Variants in HTD2 observed in about 807,000 individuals in gnomAD.
HTD2 encodes hydroxyacyl-thioester dehydratase type 2, mitochondrial.
HTD2 carries 1 observed loss-of-function variant against 3.1 expected under a neutral mutation model. That is an observed-to-expected ratio of 0.32 (90% CI 0.11 to 1.52). The LOEUF (loss-of-function observed/expected upper bound fraction) is 1.52. Among genes scored for constraint, HTD2 ranks in the 40% most tolerant of loss-of-function variants. The pLI is 0.39. For synonymous variants in HTD2, 50 were observed against 28.9 expected (o/e 1.73, Z -2.34); for missense variants, 150 against 79.6 (o/e 1.88, Z -3.36).
chr3:58,308,907 A>G (rs1335339219), intron 1 of HTD2, among the ~76,000 whole-genome samples: 1 of 152,264 alleles, frequency 6.6e-6, no homozygotes. Context: ...ACCTATCCAG[A>G]GGGAGAGCAA....
At chr3:58,310,616 A>G in intron 2 of HTD2, 25 bp downstream of exon 2, 1 of 1,576,338 alleles carries the variant, frequency 6.3e-7, no homozygotes, top group East Asian at 2.2e-5. Context: ...GGTAGATTGA[A>G]CATTCCAAAG....
chr3:58,312,675 T>TA lies in HTD2; in HGVS notation c.-331+2085dup, dbSNP rs200023221. On this transcript the variant is annotated intron_variant, in intron 2 of 4. Transcript: ENST00000461393. ...ACCACTTTTAATGAGAAAGTCTCCT[T>TA]ATGGGCCAGGCGCAGTGGCTCACTC... is the stretch of plus-strand genomic sequence containing the variant. Among the ~76,000 whole-genome samples, 168 of 152,104 alleles carry TA rather than the reference T, an allele frequency of 1.1e-3. 5 individuals are homozygous for TA. In the East Asian group the frequency reaches 0.028, roughly 26 times the overall value.
intron 1 of HTD2, among the ~76,000 whole-genome samples, chr3:58,308,304 G>T (rs1258043437): frequency 2.6e-5 from 4 of 152,056 alleles, no homozygotes; most frequent in Non-Finnish European, 5.9e-5. Context: ...TTGTTTTGGA[G>T]ACAGGGTCAT....
chr3:58,311,336 C>G (rs1294944637), intron 2 of HTD2, among the ~76,000 whole-genome samples: 2 of 152,124 alleles, frequency 1.3e-5, no homozygotes, highest in African/African-American at 4.8e-5. Context: ...TGTATTTTTA[C>G]TAGAGACAGG....
rs758136953 is a variant in HTD2 at position 58,317,787 on chromosome 3, A to G, written c.174A>G (p.Glu58=). 2.8e-5 allele frequency: 20 copies of G among 702,964 alleles called. No individual in the cohort carries two copies. Among genetic ancestry groups the G allele is most frequent in the South Asian group, 2.7e-4 (18 of 67,610 alleles). The allele number at this position is 702,964 out of a possible 1,614,324, so 43.5% of individuals were successfully genotyped here. A position where few individuals can be genotyped will look rare whatever the true frequency, so the allele number is the denominator to read the frequency against. ...AGACTGATGTGGCTACCTTCTCAGA[A>G]TTAACAGGGGATGTCAATCCTTTGC... The part of the protein sequence containing the change: ...FTQTDVATFS[E]LTGDVNPLHL... Residue 58 remains glutamate, a synonymous_variant, in exon 5 of 5, where the codon GAA becomes GAG. Coordinates refer to ENST00000461393, the MANE Select transcript of HTD2 (RefSeq NM_001348712.2).
At chr3:58,317,020 A>C in intron 4 of HTD2, 27 bp downstream of exon 4, 7 of 1,540,924 alleles carry the variant, frequency 4.5e-6, no homozygotes, top group Non-Finnish European at 6.3e-6. Flanking sequence ...CACATATTCC[A>C]AACAAGACTG....
At chr3:58,316,155 TGTA>T (rs1225509997) in intron 2 of HTD2, among the ~76,000 whole-genome samples, 3 of 152,234 alleles carry the variant, frequency 2.0e-5, no homozygotes, top group African/African-American at 7.2e-5. Flanking sequence ...TCTTGGTTCT[TGTA>T]GTAGGAAAAC....
At chr3:58,314,282 C>T (rs558147280) in intron 2 of HTD2, among the ~76,000 whole-genome samples, 37 of 152,136 alleles carry the variant, frequency 2.4e-4, no homozygotes, top group Non-Finnish European at 4.7e-4. Flanking sequence ...ACCTGGGAGG[C>T]GGAGGTTGCA....
Position 58,310,536 on chromosome 3 carries a change from A to G in HTD2, c.-386A>G, listed in dbSNP as rs773772521. The G allele has an allele frequency of 1.2e-6, 2 of 1,613,218 alleles. No individual in the cohort carries two copies. The highest frequency in any genetic ancestry group is 2.7e-5 in the African/African-American group (2 of 74,770). ...TTTCAAGATTGTGGAGTTGGACTGA[A>G]TGCTGCACAGTTCAAACAGCTGCTT... On this transcript the variant is annotated 5_prime_UTR_variant, in exon 2 of 5. An upstream start codon of the reference 5' UTR is lost. Coordinates refer to ENST00000461393, the MANE Select transcript of HTD2 (RefSeq NM_001348712.2).
At position 58,318,029 on chromosome 3, in the gene HTD2, T is replaced by C. The variant is rs1482485834; in HGVS notation, c.416T>C (p.Ile139Thr). The stretch of plus-strand genomic sequence containing the variant: ...AAAAAGCTGAAGCGGTTCATTGCTA[T>C]TATTGCAGTGTCATGTTCTGTAATA... ...EVKKLKRFIA[I>T]IAVSCSVIES... is the part of the protein sequence containing the mutation. Residue 139 changes from isoleucine (I) to threonine (T), a missense_variant, in exon 5 of 5, where the codon ATT becomes ACT. By Grantham distance (89) the Ile-to-Thr change is moderately conservative. Coordinates refer to ENST00000461393, the MANE Select transcript of HTD2 (RefSeq NM_001348712.2). 1.4e-6 allele frequency: 1 copy of C among 702,656 alleles called. No homozygotes were observed. The highest frequency in any genetic ancestry group is 2.6e-6 in the Non-Finnish European group (1 of 384,930). 43.5% of individuals were successfully genotyped at this position (702,656 alleles called of 1,614,324 possible).
At position 58,310,374 on chromosome 3, in the gene HTD2, C is replaced by T. The variant is rs751456439; in HGVS notation, c.-415-133C>T. ...CATATGAAAGAGTAGTTTACAAAAACCCTTCCGAGTACCACTACATGAAAG... is the reference window on the plus strand; with the variant it reads ...CATATGAAAGAGTAGTTTACAAAAATCCTTCCGAGTACCACTACATGAAAG... On this transcript the variant is annotated intron_variant, in intron 1 of 4. Transcript: ENST00000461393. 7 of 1,614,060 alleles carry T rather than the reference C, an allele frequency of 4.3e-6. No homozygotes were observed. The African/African-American group carries it at 8.0e-5, about 18-fold the overall frequency.
At chr3:58,307,374 A>G (rs9818581) in intron 1 of HTD2, among the ~76,000 whole-genome samples, 10,590 of 152,236 alleles carry the variant, frequency 0.07, 478 homozygotes, top group Middle Eastern at 0.092. Flanking sequence ...AGTAGGGAGA[A>G]TCAGATTTAT....
intron 1 of HTD2, among the ~76,000 whole-genome samples, chr3:58,308,175 A>G (rs2097477727): frequency 6.6e-6 from 1 of 152,216 alleles, no homozygotes; most frequent in Admixed American, 6.5e-5. Context: ...GCATCAGGTA[A>G]CTATTTCCGC....
intron 2 of HTD2, among the ~76,000 whole-genome samples, chr3:58,314,963 G>T (rs887218940): frequency 5.3e-5 from 8 of 152,086 alleles, no homozygotes; most frequent in Admixed American, 1.3e-4. Flanking sequence ...GGGATTACAG[G>T]TGTGAGCCAC....
At chr3:58,316,039 A>T (rs73835148) in intron 2 of HTD2, among the ~76,000 whole-genome samples, 6,915 of 152,060 alleles carry the variant, frequency 0.045, 543 homozygotes, top group African/African-American at 0.16. Context: ...CAAAATTTTA[A>T]AAAAAAATAT....
chr3:58,310,364 T>A (rs764158786), intron 1 of HTD2, 143 bp from the exon 2 acceptor site: 1 of 1,614,196 alleles, frequency 6.2e-7, no homozygotes, highest in Admixed American at 1.7e-5. Flanking sequence ...GAAAGAGTAG[T>A]TTACAAAAAC....
At chr3:58,310,223 A>C (rs1183654296) in intron 1 of HTD2, 6 of 1,074,878 alleles carry the variant, frequency 5.6e-6, no homozygotes, top group African/African-American at 1.6e-5. Context: ...AACAAACAAA[A>C]AAAACCCAAA....
At chr3:58,307,749 A>G (rs541910487) in intron 1 of HTD2, 8 of 152,320 alleles carry the variant, frequency 5.3e-5, no homozygotes, top group African/African-American at 1.9e-4. Flanking sequence ...GTGAGCCCAC[A>G]TCTGTGGAGA....
intron 1 of HTD2, chr3:58,310,235 A>C (rs1024410343): frequency 9.0e-6 from 11 of 1,218,342 alleles, no homozygotes; most frequent in South Asian, 1.3e-5. Context: ...AAACCCAAAT[A>C]GGCCAAATTC....
Sources: gnomAD v4.1 joint callset for allele counts (sites outside exome capture counted in the v4.1 genomes callset) on GRCh38, gnomAD v4.1.1 for gene constraint, MANE v1.5 for transcripts, NCBI Gene and HGNC (gene_info 2026-07-23, HGNC 2026-07-21) for gene names.